The following CCSER1 variants were observed in gnomAD, a reference collection of about 807,000 sequenced individuals.
The protein encoded by CCSER1 is serine-rich coiled-coil domain-containing protein 1.
Under a neutral mutation model 82.0 loss-of-function variants are expected in CCSER1, and 41 were observed. That is an observed-to-expected ratio of 0.50 (90% CI 0.39 to 0.65). CCSER1 has a LOEUF of 0.65. Ranked by LOEUF, CCSER1 falls within the 30% of genes least tolerant of loss-of-function variation. The pLI, the probability that CCSER1 is intolerant of heterozygous loss-of-function variation, is 0.00. For synonymous variants in CCSER1, 414 were observed against 383.9 expected (o/e 1.08, Z -0.92); for missense variants, 1,119 against 1,064.2 (o/e 1.05, Z -0.72).
intron 9 of CCSER1, among the ~76,000 whole-genome samples, chr4:90,929,616 T>C (rs1311236106): frequency 3.3e-5 from 5 of 152,150 alleles, no homozygotes; most frequent in Admixed American, 1.3e-4. Flanking sequence ...CAAAAGCCCT[T>C]TTGTTAAGAG....
intron 10 of CCSER1, among the ~76,000 whole-genome samples, chr4:91,316,249 A>G (rs749521298): frequency 6.6e-6 from 1 of 151,968 alleles, no homozygotes; most frequent in South Asian, 2.1e-4. Flanking sequence ...ATAACACAGT[A>G]ATAGTTTTTA....
intron 10 of CCSER1, among the ~76,000 whole-genome samples, chr4:91,285,007 AT>A (rs1174833199): frequency 6.6e-6 from 1 of 151,878 alleles, no homozygotes; most frequent in Non-Finnish European, 1.5e-5. Flanking sequence ...TCTTATGAAT[AT>A]AGTTGCAGCA....
chr4:90,300,752 A>C (rs1560978859), intron 1 of CCSER1, among the ~76,000 whole-genome samples: 1 of 152,202 alleles, frequency 6.6e-6, no homozygotes, highest in Non-Finnish European at 1.5e-5. Context: ...TTAGCTTCCA[A>C]GATGATACAG....
chr4:90,529,105 A>G (rs948933129), intron 5 of CCSER1, among the ~76,000 whole-genome samples: 3 of 152,324 alleles, frequency 2.0e-5, no homozygotes, highest in Non-Finnish European at 2.9e-5. Flanking sequence ...ATGAGAAAAC[A>G]GAAATAATAC....
chr4:91,199,083 TCCATTTGGTTGTAAG>T (rs1398110917), intron 10 of CCSER1, among the ~76,000 whole-genome samples: 1 of 152,106 alleles, frequency 6.6e-6, no homozygotes, highest in Non-Finnish European at 1.5e-5. Context: ...TCTAATTAGA[TCCATTTGGTTGTAAG>T]CCAAACCCTC....
chr4:90,978,605 G>A (rs1175322936), intron 9 of CCSER1, among the ~76,000 whole-genome samples: 1 of 151,700 alleles, frequency 6.6e-6, no homozygotes, highest in African/African-American at 2.4e-5. Flanking sequence ...AAATAATTCT[G>A]TAGACTGAAT....
At chr4:91,059,474 T>TATA (rs1491347592) in intron 9 of CCSER1, among the ~76,000 whole-genome samples, 1 of 147,360 alleles carries the variant, frequency 6.8e-6, no homozygotes, top group Non-Finnish European at 1.5e-5. Flanking sequence ...TATATATATA[T>TATA]AAGTCTCCAA....
At chr4:90,952,629 A>C (rs1733030392) in intron 9 of CCSER1, among the ~76,000 whole-genome samples, 1 of 152,064 alleles carries the variant, frequency 6.6e-6, no homozygotes, top group South Asian at 2.1e-4. Context: ...GAAGCATCAT[A>C]ATGTCATAGT....
At chr4:90,197,222 G>A (rs1455327046) in intron 1 of CCSER1, among the ~76,000 whole-genome samples, 2 of 152,088 alleles carry the variant, frequency 1.3e-5, no homozygotes, top group African/African-American at 2.4e-5. Flanking sequence ...AGATGGATAG[G>A]TTAAGGTATG....
At chr4:91,474,731 G>A (rs918156692) in intron 10 of CCSER1, among the ~76,000 whole-genome samples, 6 of 142,432 alleles carry the variant, frequency 4.2e-5, no homozygotes, top group African/African-American at 1.5e-4. Context: ...AGGCACACAT[G>A]TATACATACA....
chr4:90,216,466 C>T (rs1284001077), intron 1 of CCSER1, among the ~76,000 whole-genome samples: 1 of 152,192 alleles, frequency 6.6e-6, no homozygotes, highest in Non-Finnish European at 1.5e-5. Context: ...CTTTCAACTA[C>T]AAAACTGTGA....
intron 9 of CCSER1, among the ~76,000 whole-genome samples, chr4:90,987,345 A>G (rs948116874): frequency 6.6e-6 from 1 of 151,370 alleles, no homozygotes; most frequent in African/African-American, 2.4e-5. Flanking sequence ...CTATTTTACA[A>G]TTCACCAAAA....
intron 5 of CCSER1, among the ~76,000 whole-genome samples, chr4:90,473,216 C>CT (rs1262858991): frequency 6.6e-6 from 1 of 152,040 alleles, no homozygotes; most frequent in African/African-American, 2.4e-5. Context: ...TGTATTAATA[C>CT]TTTTTTAGAA....
At chr4:91,379,299 T>C (rs1750683698) in intron 10 of CCSER1, among the ~76,000 whole-genome samples, 1 of 152,308 alleles carries the variant, frequency 6.6e-6, no homozygotes, top group East Asian at 1.9e-4. Flanking sequence ...TCTTTTTCTA[T>C]TGATTGGAAT....
intron 10 of CCSER1, among the ~76,000 whole-genome samples, chr4:91,155,316 C>A (rs1435603693): frequency 1.4e-4 from 22 of 151,936 alleles, no homozygotes; most frequent in Admixed American, 1.4e-3. Context: ...ATGCCCTCTT[C>A]CCTGCTGCCA....
chr4:91,143,212 G>C (rs1365813260), intron 10 of CCSER1, among the ~76,000 whole-genome samples: 1 of 148,586 alleles, frequency 6.7e-6, no homozygotes, highest in African/African-American at 2.5e-5. Context: ...GGTTAGATGT[G>C]TTTCTAGGTA....
chr4:91,141,659 T>C (rs1729043926), intron 10 of CCSER1, among the ~76,000 whole-genome samples: 1 of 152,170 alleles, frequency 6.6e-6, no homozygotes, highest in Non-Finnish European at 1.5e-5. Flanking sequence ...ATGTGACTGC[T>C]GGGTTGAGTG....
chr4:90,861,682 C>A lies in CCSER1; in HGVS notation c.2094+45837C>A, dbSNP rs187765180. 4.3e-3 allele frequency among the ~76,000 whole-genome samples: 658 copies of A among 151,792 alleles called. 6 individuals are homozygous for A. The highest frequency in any genetic ancestry group is 5.0e-3 in the Non-Finnish European group (336 of 67,742). On this transcript the variant is annotated intron_variant, in intron 8 of 10. Transcript: ENST00000509176. ...ATACAAAATTCTTGTAGAGTTATCA[C>A]AACTTAATTAACTCAGAATATCCAA... is the stretch of plus-strand genomic sequence containing the variant.
intron 1 of CCSER1, among the ~76,000 whole-genome samples, chr4:90,210,950 TG>T (rs1739880282): frequency 6.6e-6 from 1 of 152,156 alleles, no homozygotes; most frequent in African/African-American, 2.4e-5. Context: ...TGTTGTCTTA[TG>T]GGAGAGATGT....
Sources: gnomAD v4.1 joint callset for allele counts (sites outside exome capture counted in the v4.1 genomes callset) on GRCh38, gnomAD v4.1.1 for gene constraint, MANE v1.5 for transcripts, NCBI Gene and HGNC (gene_info 2026-07-23, HGNC 2026-07-21) for gene names.